Variants in SYN3 observed in about 807,000 individuals in gnomAD.
SYN3 encodes synapsin III, also known as synapsin-3.
A neutral mutation model predicts 65.8 loss-of-function variants in SYN3; 35 were observed. The observed-to-expected ratio is 0.53, with a 90% CI of 0.41 to 0.70. SYN3 has a LOEUF of 0.70. Among genes scored for constraint, SYN3 ranks in the 30% least tolerant of loss-of-function variants. The probability of loss-of-function intolerance (pLI) is 0.00; values close to 1 mark genes in which losing one functional copy is unlikely to be tolerated. For missense variants in SYN3, 680 were observed against 749.0 expected, an observed-to-expected ratio of 0.91 and a Z score of 1.08; for synonymous variants, 270 against 292.9, an observed-to-expected ratio of 0.92 and a Z score of 0.80.
chr22:32,593,898 T>C (rs1456783921), intron 7 of SYN3, among the ~76,000 whole-genome samples: 1 of 149,642 alleles, frequency 6.7e-6, no homozygotes, highest in African/African-American at 2.5e-5. Context: ...CAAGAAGGAG[T>C]GGCAAGAGAC....
At chr22:32,822,155 C>CA (rs35312009) in intron 6 of SYN3, among the ~76,000 whole-genome samples, 52,502 of 107,744 alleles carry the variant, frequency 0.49, 11,798 homozygotes, top group Admixed American at 0.56. Flanking sequence ...AACTCCATCT[C>CA]AAAAAAAAAA....
intron 6 of SYN3, among the ~76,000 whole-genome samples, chr22:32,793,067 G>C (rs893446015): frequency 1.3e-5 from 2 of 152,204 alleles, no homozygotes; most frequent in South Asian, 2.1e-4. Flanking sequence ...CTACTGCATT[G>C]AAAGTGCCTT....
chr22:33,048,782 C>A (rs1172634388), intron 1 of SYN3, among the ~76,000 whole-genome samples: 1 of 152,090 alleles, frequency 6.6e-6, no homozygotes, highest in Non-Finnish European at 1.5e-5. Flanking sequence ...TCCTTAATGG[C>A]AATGCAAAAT....
At chr22:32,842,791 G>A (rs1032742840) in intron 6 of SYN3, among the ~76,000 whole-genome samples, 2 of 152,106 alleles carry the variant, frequency 1.3e-5, no homozygotes, top group African/African-American at 4.8e-5. Context: ...CAGATGATAC[G>A]ATATACTGTT....
At chr22:32,561,842 G>C (rs1021446989) in intron 7 of SYN3, among the ~76,000 whole-genome samples, 2 of 152,204 alleles carry the variant, frequency 1.3e-5, no homozygotes, top group African/African-American at 2.4e-5. Flanking sequence ...TCCAAGGCTT[G>C]GGGGAGGCAA....
chr22:32,724,630 T>A (rs1436703074), intron 6 of SYN3, among the ~76,000 whole-genome samples: 1 of 152,224 alleles, frequency 6.6e-6, no homozygotes, highest in Non-Finnish European at 1.5e-5. Context: ...ATAAAGTTTT[T>A]ATTTTTTTCA....
chr22:32,711,999 G>A (rs2060972889), intron 6 of SYN3, among the ~76,000 whole-genome samples: 1 of 152,184 alleles, frequency 6.6e-6, no homozygotes, highest in Admixed American at 6.5e-5. Flanking sequence ...CTGGTGACCT[G>A]AGGGTGGTCC....
intron 6 of SYN3, among the ~76,000 whole-genome samples, chr22:32,832,064 G>A (rs779448405): frequency 3.9e-5 from 6 of 152,170 alleles, no homozygotes; most frequent in Non-Finnish European, 5.9e-5. Flanking sequence ...GGACCAGGTG[G>A]GGTGATTAGG....
At chr22:32,804,640 G>A (rs756326893) in intron 6 of SYN3, among the ~76,000 whole-genome samples, 1 of 152,208 alleles carries the variant, frequency 6.6e-6, no homozygotes, top group Non-Finnish European at 1.5e-5. Flanking sequence ...CTCATCCACA[G>A]GTGTCTCTTT....
chr22:32,986,965 G>C (rs2052546352), intron 2 of SYN3, among the ~76,000 whole-genome samples: 1 of 152,136 alleles, frequency 6.6e-6, no homozygotes, highest in Non-Finnish European at 1.5e-5. Flanking sequence ...GTGTGTATGA[G>C]AGAGACTGAT....
intron 3 of SYN3, among the ~76,000 whole-genome samples, chr22:32,973,901 G>A (rs2052100727): frequency 6.6e-6 from 1 of 152,192 alleles, no homozygotes; most frequent in Non-Finnish European, 1.5e-5. Context: ...CGATTCTCCT[G>A]CCTCAGCCTC....
At chr22:32,571,208 G>GCAT (rs970813376) in intron 7 of SYN3, among the ~76,000 whole-genome samples, 21 of 152,064 alleles carry the variant, frequency 1.4e-4, no homozygotes, top group African/African-American at 4.6e-4. Flanking sequence ...CTTCCCCAGA[G>GCAT]CATCCCCCCT....
At chr22:32,528,670 G>A (rs377532048) in intron 11 of SYN3, among the ~76,000 whole-genome samples, 2 of 152,156 alleles carry the variant, frequency 1.3e-5, no homozygotes, top group African/African-American at 4.8e-5. Flanking sequence ...AAGGGAAGGG[G>A]CCTCTGAAAG....
rs566328346 is a variant in SYN3, at chr22:33,003,901, T to C, written c.311+2451A>G. 1.5e-4 allele frequency among the ~76,000 whole-genome samples: 23 copies of C among 152,338 alleles called. No individual in the cohort carries two copies. The South Asian group carries it at 4.1e-3, about 27-fold the overall frequency. Reference sequence around the variant, plus strand: ...AGGCTGGGTCCAGGGCCCTCCCTCCTGTGTGCAGTATCAGGACTTGGTGCC... The same window carrying C: ...AGGCTGGGTCCAGGGCCCTCCCTCCCGTGTGCAGTATCAGGACTTGGTGCC... On this transcript the variant is annotated intron_variant, in intron 2 of 13. Coordinates refer to ENST00000358763, the MANE Select transcript of SYN3 (RefSeq NM_003490.4).
intron 4 of SYN3, among the ~76,000 whole-genome samples, chr22:32,924,277 C>T (rs1007566296): frequency 6.6e-6 from 1 of 152,220 alleles, no homozygotes; most frequent in Non-Finnish European, 1.5e-5. Context: ...CACACTGAGT[C>T]ACAGGCTACT....
chr22:32,909,976 C>T (rs1256711760), intron 4 of SYN3, among the ~76,000 whole-genome samples: 2 of 152,128 alleles, frequency 1.3e-5, no homozygotes, highest in Non-Finnish European at 2.9e-5. Flanking sequence ...GAATGAGGGG[C>T]TCTGGGAAAT....
At chr22:32,962,939 TAAAC>T (rs1230171239) in intron 3 of SYN3, among the ~76,000 whole-genome samples, 1 of 151,086 alleles carries the variant, frequency 6.6e-6, no homozygotes, top group African/African-American at 2.4e-5. Context: ...TAATGACTCT[TAAAC>T]AATTTCTCTC....
At chr22:32,640,234 A>G (rs1229482505) in intron 6 of SYN3, among the ~76,000 whole-genome samples, 2 of 152,178 alleles carry the variant, frequency 1.3e-5, no homozygotes, top group African/African-American at 4.8e-5. Flanking sequence ...ACTCCCAGGA[A>G]TGAACCTCTA....
intron 6 of SYN3, among the ~76,000 whole-genome samples, chr22:32,600,777 T>C (rs2059270380): frequency 1.3e-5 from 2 of 152,210 alleles, no homozygotes; most frequent in South Asian, 4.2e-4. Flanking sequence ...AACCTCTGTC[T>C]CCTGGGCTCA....
Sources: gnomAD v4.1 joint callset for allele counts (sites outside exome capture counted in the v4.1 genomes callset) on GRCh38, gnomAD v4.1.1 for gene constraint, MANE v1.5 for transcripts, NCBI Gene and HGNC (gene_info 2026-07-23, HGNC 2026-07-21) for gene names.